Variants in GRIN2A observed in about 807,000 individuals in gnomAD.
GRIN2A encodes glutamate ionotropic receptor NMDA type subunit 2A, also known as glutamate receptor ionotropic, NMDA 2A.
In GRIN2A, 22 loss-of-function variants were observed where a neutral mutation model predicts 113.4. That is an observed-to-expected ratio of 0.19 (90% CI 0.14 to 0.28). GRIN2A has a LOEUF of 0.28. Among genes scored for constraint, GRIN2A ranks in the 10% least tolerant of loss-of-function variants. GRIN2A has a pLI of 1.00. For synonymous variants in GRIN2A, 827 were observed against 738.4 expected (o/e 1.12, Z -1.94); for missense variants, 1,502 against 1,887.0 (o/e 0.80, Z 3.78).
chr16:10,162,295 G>C (rs966659049), intron 2 of GRIN2A, among the ~76,000 whole-genome samples: 1 of 150,592 alleles, frequency 6.6e-6, no homozygotes, highest in African/African-American at 2.4e-5. Context: ...GAGCTGAGGT[G>C]TCTTGACTCC....
intron 9 of GRIN2A, among the ~76,000 whole-genome samples, chr16:9,827,654 G>T (rs1408739267): frequency 1.3e-5 from 2 of 152,158 alleles, no homozygotes; most frequent in African/African-American, 4.8e-5. Flanking sequence ...GTGCCCAAAG[G>T]CAAAAATCTG....
intron 2 of GRIN2A, among the ~76,000 whole-genome samples, chr16:9,969,427 G>A (rs868152430): frequency 6.6e-6 from 1 of 152,104 alleles, no homozygotes; most frequent in Non-Finnish European, 1.5e-5. Context: ...TCCTCACTGG[G>A]TACATCATTT....
chr16:9,995,699 T>C (rs1364316544), intron 2 of GRIN2A, among the ~76,000 whole-genome samples: 3 of 152,184 alleles, frequency 2.0e-5, no homozygotes, highest in Non-Finnish European at 4.4e-5. Flanking sequence ...ATGTTTGTGA[T>C]TCTTGCACTT....
At chr16:9,799,908 G>A (rs940044730) in intron 10 of GRIN2A, among the ~76,000 whole-genome samples, 1 of 151,942 alleles carries the variant, frequency 6.6e-6, no homozygotes. Context: ...GAAATCCTAT[G>A]CATACCCCAG....
intron 2 of GRIN2A, among the ~76,000 whole-genome samples, chr16:9,944,740 A>T (rs2044976628): frequency 6.6e-6 from 1 of 152,178 alleles, no homozygotes; most frequent in African/African-American, 2.4e-5. Context: ...TTCTTTGAGA[A>T]GGAAACTGGC....
At chr16:10,095,083 G>T (rs1031560592) in intron 2 of GRIN2A, among the ~76,000 whole-genome samples, 1 of 151,992 alleles carries the variant, frequency 6.6e-6, no homozygotes, top group Non-Finnish European at 1.5e-5. Context: ...GAAGAAGAGA[G>T]ATTTCTCTCT....
chr16:9,932,428 T>G (rs1042190404), intron 3 of GRIN2A, among the ~76,000 whole-genome samples: 2 of 152,174 alleles, frequency 1.3e-5, no homozygotes, highest in Non-Finnish European at 2.9e-5. Flanking sequence ...CAGGCTGGAA[T>G]GCAGTGACGT....
intron 2 of GRIN2A, among the ~76,000 whole-genome samples, chr16:9,975,826 AG>A (rs1278454823): frequency 6.6e-6 from 1 of 152,256 alleles, no homozygotes; most frequent in East Asian, 1.9e-4. Context: ...TAATGGAAAA[AG>A]ATACAACACA....
intron 3 of GRIN2A, among the ~76,000 whole-genome samples, chr16:9,912,740 C>T (rs113703111): frequency 6.4e-4 from 98 of 152,238 alleles, no homozygotes; most frequent in African/African-American, 2.0e-3. Context: ...GAGCCTGGAA[C>T]ATAGTAACTG....
At chr16:10,026,149 C>T (rs903567933) in intron 2 of GRIN2A, among the ~76,000 whole-genome samples, 4 of 152,178 alleles carry the variant, frequency 2.6e-5, no homozygotes, top group African/African-American at 9.7e-5. Flanking sequence ...GAATCCCCCA[C>T]CCAGTGGCAA....
chr16:9,763,596 C>G lies in GRIN2A; in HGVS notation c.3948G>C (p.Arg1316Ser), dbSNP rs2141128170. The change falls in exon 13 of 13, where the codon AGG becomes AGC. Residue 1316 changes from arginine (R) to serine (S), a missense_variant. Physicochemically the swap from Arg to Ser is moderately radical, Grantham distance 110. This residue lies in a region of GRIN2A where 832 missense variants were observed against 789.7 expected (regional missense o/e 1.05). Transcript: ENST00000330684. ...RPSRSISLKD[R>S]ERLLEGNFYG... ...AAAAATTTCCCTCCAGAAGCCGTTC[C>G]CTGTCCTTGAGGCTTATGCTCCGGG... is the stretch of plus-strand genomic sequence containing the variant. 6.2e-7 allele frequency: 1 copy of G among 1,613,658 alleles called. No individual in the cohort carries two copies. Among genetic ancestry groups the G allele is most frequent in the Non-Finnish European group, 8.5e-7 (1 of 1,179,992 alleles).
At chr16:10,092,513 G>A in intron 2 of GRIN2A, among the ~76,000 whole-genome samples, 1 of 152,138 alleles carries the variant, frequency 6.6e-6, no homozygotes, top group South Asian at 2.1e-4. Flanking sequence ...GGAAAATTAA[G>A]CATTATTTTT....
At chr16:9,847,590 A>G (rs1037386295) in intron 5 of GRIN2A, among the ~76,000 whole-genome samples, 1 of 151,420 alleles carries the variant, frequency 6.6e-6, no homozygotes, top group Admixed American at 6.6e-5. Flanking sequence ...AATGTTTTAT[A>G]TATTTTTAAC....
intron 2 of GRIN2A, among the ~76,000 whole-genome samples, chr16:10,092,975 A>T (rs1229482943): frequency 6.6e-6 from 1 of 150,858 alleles, no homozygotes; most frequent in African/African-American, 2.4e-5. Flanking sequence ...AGTAGCTGGG[A>T]TTACAGGCAC....
At chr16:9,810,061 C>A (rs1186695667) in intron 10 of GRIN2A, among the ~76,000 whole-genome samples, 1 of 152,168 alleles carries the variant, frequency 6.6e-6, no homozygotes, top group East Asian at 1.9e-4. Context: ...GAGCCAGACT[C>A]TGTCTCAAAA....
chr16:9,855,378 C>T (rs76678053), intron 4 of GRIN2A, among the ~76,000 whole-genome samples: 1,828 of 152,298 alleles, frequency 0.012, 34 homozygotes, highest in African/African-American at 0.041. Context: ...GGTCTCCATA[C>T]GTGGAACTAT....
chr16:9,802,472 A>G (rs1432401292), intron 10 of GRIN2A, among the ~76,000 whole-genome samples: 1 of 152,182 alleles, frequency 6.6e-6, no homozygotes, highest in Non-Finnish European at 1.5e-5. Flanking sequence ...TAACAAATGG[A>G]ATCACTAATA....
rs1403825306 is a variant in GRIN2A at position 9,764,430 on chromosome 16, T to C, written c.3114A>G (p.Thr1038=). 1.7e-5 allele frequency: 28 copies of C among 1,613,994 alleles called. No homozygotes were observed. The highest frequency in any genetic ancestry group is 8.5e-7 in the Non-Finnish European group (1 of 1,179,976). ...TTAGGGAGTGGGTCCTATTCTCTGCTGTTGCCTCATCCCTCTGGGAGACTG... is the reference window on the plus strand; with the variant it reads ...TTAGGGAGTGGGTCCTATTCTCTGCCGTTGCCTCATCCCTCTGGGAGACTG... ...QNPVSQRDEA[T]AENRTHSLKS... Residue 1038 remains threonine, a synonymous_variant, in exon 13 of 13, where the codon ACA becomes ACG. Coordinates refer to ENST00000330684, the MANE Select transcript of GRIN2A (RefSeq NM_001134407.3).
At chr16:10,176,690 G>A (rs2050154253) in intron 2 of GRIN2A, among the ~76,000 whole-genome samples, 1 of 139,682 alleles carries the variant, frequency 7.2e-6, no homozygotes, top group African/African-American at 2.7e-5. Context: ...CACACACTGG[G>A]GCCTGTCATG....
Sources: allele counts gnomAD v4.1 joint callset (sites outside exome capture counted in the v4.1 genomes callset), GRCh38; gene constraint gnomAD v4.1.1; regional missense constraint gnomAD v4.1.1; transcripts MANE v1.5; gene names NCBI Gene and HGNC (gene_info 2026-07-23, HGNC 2026-07-21).